Variants in BLTP1 observed in about 807,000 individuals in gnomAD.
The protein encoded by BLTP1 is bridge-like lipid transfer protein family member 1, also known as fragile site-associated protein.
the BLTP1 span, among the ~76,000 whole-genome samples, chr4:122,192,697 C>G: frequency 3.3e-5 from 5 of 151,956 alleles, no homozygotes; most frequent in African/African-American, 1.2e-4. Flanking sequence ...CATTGATCCC[C>G]TACTATATGC....
At chr4:122,286,650 TC>T in the BLTP1 span, 1 of 1,613,952 alleles carries the variant, frequency 6.2e-7, no homozygotes, top group African/African-American at 1.3e-5. Context: ...GTCTTAACCT[TC>T]CCCCTGTTAC....
chr4:122,178,218 A>C, the BLTP1 span: 1 of 803,470 alleles, frequency 1.2e-6, no homozygotes, highest in Non-Finnish European at 1.5e-6. Context: ...AGATTCTTCA[A>C]GGTTATAAAC....
chr4:122,293,082 ATAATT>A, the BLTP1 span: 1 of 948,354 alleles, frequency 1.1e-6, no homozygotes, highest in African/African-American at 1.8e-5. Context: ...TAATTTCAAA[ATAATT>A]TAAGCAAGTT....
the BLTP1 span, chr4:122,299,948 GTACAAAGACACATATAATC>G: frequency 6.8e-4 from 665 of 982,984 alleles, 13 homozygotes; most frequent in South Asian, 0.021. Flanking sequence ...GGCACTAAGT[GTACAAAGACACATATAATC>G]TACAAAGACA....
chr4:122,175,886 A>G, the BLTP1 span: 4 of 1,563,148 alleles, frequency 2.6e-6, no homozygotes, highest in South Asian at 4.5e-5. Context: ...GGTGGTGGAA[A>G]ATGTATAACC....
the BLTP1 span, chr4:122,313,494 A>G: frequency 8.2e-6 from 4 of 488,614 alleles, no homozygotes; most frequent in East Asian, 1.1e-4. Flanking sequence ...CCAAAGATTA[A>G]GAACTAAAAT....
the BLTP1 span, chr4:122,231,944 G>A: frequency 3.9e-5 from 29 of 745,224 alleles, no homozygotes; most frequent in Non-Finnish European, 4.6e-5. Flanking sequence ...GAAAGCTCAT[G>A]TATGAAGAAT....
At chr4:122,194,638 A>G in the BLTP1 span, 1 of 976,424 alleles carries the variant, frequency 1.0e-6, no homozygotes, top group Admixed American at 6.2e-5. Flanking sequence ...AAATGAAAAT[A>G]ATGCTTTAAC....
At chr4:122,216,892 C>T in the BLTP1 span, among the ~76,000 whole-genome samples, 1 of 151,964 alleles carries the variant, frequency 6.6e-6, no homozygotes, top group Admixed American at 6.6e-5. Flanking sequence ...TTTATGGTTT[C>T]GTGTCTTAGA....
chr4:122,211,111 A>G, the BLTP1 span: 1 of 1,592,956 alleles, frequency 6.3e-7, no homozygotes, highest in South Asian at 1.1e-5. Flanking sequence ...ATTCTTAAAA[A>G]CAACTTACAT....
At chr4:122,184,060 C>T in the BLTP1 span, among the ~76,000 whole-genome samples, 1 of 151,904 alleles carries the variant, frequency 6.6e-6, no homozygotes, top group Non-Finnish European at 1.5e-5. Flanking sequence ...AAGAGCAAAT[C>T]ATCTAACAAA....
chr4:122,224,416 G>A, the BLTP1 span: 1 of 1,400,154 alleles, frequency 7.1e-7, no homozygotes, highest in Non-Finnish European at 9.7e-7. Flanking sequence ...GTTCATCTCT[G>A]CAGGGGGTGT....
At chr4:122,188,017 G>A in the BLTP1 span, 1 of 1,588,000 alleles carries the variant, frequency 6.3e-7, no homozygotes, top group Non-Finnish European at 8.5e-7. Flanking sequence ...TGCATATTGT[G>A]AAAGGAAAGC....
chr4:122,159,319 C>T, the BLTP1 span, among the ~76,000 whole-genome samples: 125 of 151,978 alleles, frequency 8.2e-4, no homozygotes, highest in African/African-American at 2.8e-3. Context: ...AAAAATTAGC[C>T]GGGCGTGGTG....
At chr4:122,255,062 T>C in the BLTP1 span, 8 of 1,517,716 alleles carry the variant, frequency 5.3e-6, no homozygotes, top group South Asian at 5.0e-5. Flanking sequence ...TCTTAATTAC[T>C]GAATGTCTTT....
the BLTP1 span, chr4:122,277,397 C>T: frequency 1.1e-6 from 1 of 949,426 alleles, no homozygotes; most frequent in Non-Finnish European, 1.3e-6. Context: ...TTCATTATGG[C>T]TTCTACATAA....
the BLTP1 span, among the ~76,000 whole-genome samples, chr4:122,321,783 T>C: frequency 6.6e-6 from 1 of 151,832 alleles, no homozygotes; most frequent in Non-Finnish European, 1.5e-5. Context: ...TTTTTGTGTC[T>C]GAGAAAGTCT....
the BLTP1 span, chr4:122,349,265 A>G: frequency 1.9e-6 from 3 of 1,613,656 alleles, no homozygotes; most frequent in Non-Finnish European, 2.5e-6. The surrounding 1 kb of genome is among the most constrained non-coding windows in gnomAD (Gnocchi z 4.5). Flanking sequence ...TTAGATTCTA[A>G]AGGAGGAGTA....
At chr4:122,224,887 G>A in the BLTP1 span, 4 of 1,445,472 alleles carry the variant, frequency 2.8e-6, no homozygotes, top group Admixed American at 2.3e-5. Flanking sequence ...TTTGTTGGGT[G>A]TAATGTGTGT....
Sources: gnomAD v4.1 joint callset for allele counts (sites outside exome capture counted in the v4.1 genomes callset) on GRCh38, gnomAD v4.1.1 for gene constraint, Gnocchi (gnomAD v3.1) non-coding constraint, MANE v1.5 for transcripts, NCBI Gene and HGNC (gene_info 2026-07-23, HGNC 2026-07-21) for gene names.